The following DNAH10 variants were observed in gnomAD, a reference collection of about 807,000 sequenced individuals.
DNAH10 encodes the protein axonemal beta dynein heavy chain 10.
Under a neutral mutation model 506.6 loss-of-function variants are expected in DNAH10, and 348 were observed. The observed-to-expected ratio is 0.69, with a 90% CI of 0.63 to 0.75. The LOEUF (loss-of-function observed/expected upper bound fraction) is 0.75. DNAH10 is among the 30% of genes least tolerant of loss of function. The pLI, the probability that DNAH10 is intolerant of heterozygous loss-of-function variation, is 0.00. For synonymous variants in DNAH10, 2,059 were observed against 2,198.6 expected (o/e 0.94, Z 1.78); for missense variants, 5,179 against 5,787.1 (o/e 0.89, Z 3.41).
Position 123,787,916 on chromosome 12 carries a change from G to T in DNAH10, c.1534G>T (p.Asp512Tyr), listed in dbSNP as rs1957923955. ...CAAGATAGAGGCTTCGGGGAGGGAA[G>T]ATCGGTGGGAGTTTGACCGGAAGCG... is the stretch of plus-strand genomic sequence containing the variant. ...RAKIEASGRE[D>Y]RWEFDRKRLF... Residue 512 changes from aspartate to tyrosine, a missense_variant, in exon 10 of 79, where the codon GAT becomes TAT. Asp to Tyr is a radical substitution (Grantham distance 160). This residue lies in a region of DNAH10 where 4,844 missense variants were observed against 5,430.5 expected (regional missense o/e 0.89). Transcript: ENST00000673944. This position sits in a 1 kb window ranked among gnomAD's most constrained non-coding sequence, Gnocchi z 4.6. The T allele has an allele frequency of 2.5e-6, 4 of 1,610,874 alleles. No individual in the cohort carries two copies. The highest frequency in any genetic ancestry group is 3.4e-6 in the Non-Finnish European group (4 of 1,178,682).
intron 9 of DNAH10, among the ~76,000 whole-genome samples, chr12:123,786,273 C>T (rs1027356214): frequency 3.3e-5 from 5 of 149,772 alleles, no homozygotes; most frequent in Non-Finnish European, 7.4e-5. Context: ...GTGGAGATCA[C>T]ACCATTACAT....
Position 123,931,351 on chromosome 12 carries a change from GGCCCTCCCGCTT to G in DNAH10, c.12799_12810del (p.Leu4267_Ala4270del). 6.2e-7 allele frequency: 1 copy of G among 1,613,754 alleles called. No homozygotes were observed. The highest frequency in any genetic ancestry group is 1.1e-5 in the South Asian group (1 of 91,072). ...TCTCTGTGATTGCAGAAGCCATCGA[GGCCCTCCCGCTT>G]GCCAACACGCCAGAAGTGTTTGGTC... On this transcript the variant is annotated inframe_deletion, in exon 74 of 79. Transcript: ENST00000673944.
rs183647962 is a variant in DNAH10 at position 123,843,829 on chromosome 12, C to T, written c.5361-1771C>T. On this transcript the variant is annotated intron_variant, in intron 30 of 78. Transcript: ENST00000673944. ...CCGACCTCAGGTGATCTGCCGGCCT[C>T]GGCCTCCCAAAGCGCTGGGATTACA... is the stretch of plus-strand genomic sequence containing the variant. Among the ~76,000 whole-genome samples, 77 of 152,328 alleles carry T rather than the reference C, an allele frequency of 5.1e-4. No homozygotes were observed. In the East Asian group the frequency reaches 0.013, roughly 26 times the overall value.
intron 56 of DNAH10, among the ~76,000 whole-genome samples, chr12:123,901,025 G>A (rs1266019577): frequency 1.3e-5 from 2 of 152,214 alleles, no homozygotes; most frequent in Admixed American, 6.5e-5. Flanking sequence ...CCCACAGAGG[G>A]TAGGGTGGAG....
chr12:123,922,138 G>A (rs940877637), intron 65 of DNAH10, among the ~76,000 whole-genome samples: 2 of 152,016 alleles, frequency 1.3e-5, no homozygotes, highest in Non-Finnish European at 2.9e-5. Context: ...ACTTTGGGCC[G>A]CCAGGGCGGG....
chr12:123,886,480 C>CGTGT (rs60439290), intron 51 of DNAH10, among the ~76,000 whole-genome samples: 14 of 151,744 alleles, frequency 9.2e-5, no homozygotes, highest in East Asian at 1.9e-4. Context: ...CGCGCGCGCG[C>CGTGT]GTGTGTGTGC....
At chr12:123,790,190 G>T in intron 11 of DNAH10, 69 bp downstream of exon 11, 6 of 1,489,556 alleles carry the variant, frequency 4.0e-6, no homozygotes, top group East Asian at 2.3e-5. Context: ...AAATTTGTTG[G>T]GTTATTTAGT....
chr12:123,817,827 C>T (rs1010718336), intron 21 of DNAH10, among the ~76,000 whole-genome samples: 1 of 152,100 alleles, frequency 6.6e-6, no homozygotes, highest in East Asian at 1.9e-4. Context: ...CTAACAGACA[C>T]CATAACTGGG....
At chr12:123,918,003 C>T (rs941136918) in intron 64 of DNAH10, among the ~76,000 whole-genome samples, 190 bp downstream of exon 64, 1 of 152,202 alleles carries the variant, frequency 6.6e-6, no homozygotes, top group African/African-American at 2.4e-5. Context: ...GGCATCAGGT[C>T]AGTCTCTTTA....
At position 123,909,519 on chromosome 12, in the gene DNAH10, G is replaced by A. The variant is rs566976549; in HGVS notation, c.9997+77G>A. The A allele has an allele frequency of 6.8e-6, 10 of 1,468,200 alleles. No individual in the cohort carries two copies. Among genetic ancestry groups the A allele is most frequent in the East Asian group, 2.5e-5 (1 of 40,182 alleles). The allele number at this position is 1,468,200 out of a possible 1,614,324, so 90.9% of individuals were successfully genotyped here. A position where few individuals can be genotyped will look rare whatever the true frequency, so the allele number is the denominator to read the frequency against. ...TCAGGCTCTGGGACAGGGATGGAGG[G>A]CAAGGAGGCTTGTCGTGGGCAGGCC... On this transcript the variant is annotated intron_variant, in intron 58 of 78. Transcript: ENST00000673944. The surrounding 1 kb of genome is among the most constrained non-coding windows in gnomAD (Gnocchi z 5.4).
chr12:123,919,314 A>G lies in DNAH10; in HGVS notation c.11506+365A>G, dbSNP rs1443377838. Among the ~76,000 whole-genome samples, 2 of 151,944 alleles carry G rather than the reference A, an allele frequency of 1.3e-5. No homozygotes were observed. Among genetic ancestry groups the G allele is most frequent in the Non-Finnish European group, 1.5e-5 (1 of 67,996 alleles). On this transcript the variant is annotated intron_variant, in intron 65 of 78. Coordinates refer to ENST00000673944, the MANE Select transcript of DNAH10 (RefSeq NM_001372106.1). This position sits in a 1 kb window ranked among gnomAD's most constrained non-coding sequence, Gnocchi z 4.9. Reference sequence around the variant, plus strand: ...GGTCTCGAACTCCTGAGCTCAAACGATCCACCCACCTTGGCCTCCTGAAGT... The same window carrying G: ...GGTCTCGAACTCCTGAGCTCAAACGGTCCACCCACCTTGGCCTCCTGAAGT...
At chr12:123,767,999 C>T (rs558684509) in intron 2 of DNAH10, among the ~76,000 whole-genome samples, 2 of 152,290 alleles carry the variant, frequency 1.3e-5, no homozygotes, top group South Asian at 4.1e-4. Context: ...CCTTCCTAGC[C>T]TCCTCACTGC....
rs796673588 is a variant in DNAH10, at chr12:123,853,964, T to TA, written c.6438+622dup. On this transcript the variant is annotated intron_variant, in intron 36 of 78. Coordinates refer to ENST00000673944, the MANE Select transcript of DNAH10 (RefSeq NM_001372106.1). The surrounding 1 kb of genome is among the most constrained non-coding windows in gnomAD (Gnocchi z 4.7). ...CGCACACACACACACATTTGGGTAGTAAAAAAAAAACAGCCGTGAGTGCAG... is the reference window on the plus strand; with the variant it reads ...CGCACACACACACACATTTGGGTAGTAAAAAAAAAAACAGCCGTGAGTGCAG... 5.7e-4 allele frequency among the ~76,000 whole-genome samples: 81 copies of TA among 142,946 alleles called. No individual in the cohort carries two copies. Among genetic ancestry groups the TA allele is most frequent in the East Asian group, 8.2e-4 (4 of 4,902 alleles). 93.8% of individuals were successfully genotyped at this position (142,946 alleles called of 152,430 possible).
chr12:123,814,609 A>ATTTTTTTTTTTT (rs1214217837), intron 21 of DNAH10, among the ~76,000 whole-genome samples: 9 of 121,214 alleles, frequency 7.4e-5, no homozygotes, highest in African/African-American at 3.0e-4. Context: ...GGCCAGGTAG[A>ATTTTTTTTTTTT]TTTTTTTTTT....
At chr12:123,829,500 T>C (rs1400592226) in intron 25 of DNAH10, among the ~76,000 whole-genome samples, 1 of 152,108 alleles carries the variant, frequency 6.6e-6, no homozygotes, top group African/African-American at 2.4e-5. Context: ...GAAGGTTAAG[T>C]TTCAGCGTTC....
chr12:123,912,608 A>G (rs1412037399), intron 59 of DNAH10, among the ~76,000 whole-genome samples: 1 of 152,100 alleles, frequency 6.6e-6, no homozygotes, highest in South Asian at 2.1e-4. Context: ...TCCAGACAGT[A>G]CCAAACGTCC....
intron 21 of DNAH10, 33 bp from the exon 22 acceptor site, chr12:123,818,917 T>G: frequency 2.1e-6 from 3 of 1,410,136 alleles, no homozygotes; most frequent in Non-Finnish European, 3.0e-6. Flanking sequence ...TCATCATTTG[T>G]TGTTTATTCT....
Position 123,850,473 on chromosome 12 carries a change from G to A in DNAH10, c.6103-415G>A, listed in dbSNP as rs74936069. ...CGCTGTGTGAGGTGGTGGGCTGGGC[G>A]CTCCCAACCTGGGCTGTCTCCTTTC... On this transcript the variant is annotated intron_variant, in intron 34 of 78. Coordinates refer to ENST00000673944, the MANE Select transcript of DNAH10 (RefSeq NM_001372106.1). This position sits in a 1 kb window ranked among gnomAD's most constrained non-coding sequence, Gnocchi z 5.5. Among the ~76,000 whole-genome samples, 6,245 of 152,254 alleles carry A rather than the reference G, an allele frequency of 0.041. 177 individuals are homozygous for A. The highest frequency in any genetic ancestry group is 0.06 in the Non-Finnish European group (4,087 of 68,002).
chr12:123,880,593 C>T (rs749319182), intron 50 of DNAH10, among the ~76,000 whole-genome samples: 4 of 151,806 alleles, frequency 2.6e-5, no homozygotes, highest in Non-Finnish European at 5.9e-5. Context: ...GATCCTCCCT[C>T]CTCAGCCTCC....
Sources: gnomAD v4.1 joint callset for allele counts (sites outside exome capture counted in the v4.1 genomes callset) on GRCh38, gnomAD v4.1.1 for gene constraint, gnomAD v4.1.1 regional missense constraint, Gnocchi (gnomAD v3.1) non-coding constraint, MANE v1.5 for transcripts, NCBI Gene and HGNC (gene_info 2026-07-23, HGNC 2026-07-21) for gene names.